The following FRMD5 variants were observed in gnomAD, a reference collection of about 807,000 sequenced individuals.
FRMD5 encodes the protein FERM domain containing 5.
FRMD5 carries 20 observed loss-of-function variants against 69.0 expected under a neutral mutation model. The observed-to-expected ratio is 0.29, with a 90% CI of 0.20 to 0.42. The LOEUF (loss-of-function observed/expected upper bound fraction) is 0.42. FRMD5 is among the 10% of genes least tolerant of loss of function. The pLI is 1.00. For missense variants in FRMD5, 595 were observed against 708.6 expected (o/e 0.84, Z 1.82); for synonymous variants, 271 against 260.1 (o/e 1.04, Z -0.40).
intron 1 of FRMD5, among the ~76,000 whole-genome samples, chr15:44,120,181 G>A (rs1311051417): frequency 6.6e-6 from 1 of 152,124 alleles, no homozygotes; most frequent in Non-Finnish European, 1.5e-5. Flanking sequence ...GAACATTAAA[G>A]TATCCCAAGA....
At chr15:44,171,149 T>C (rs1595552380) in intron 1 of FRMD5, among the ~76,000 whole-genome samples, 1 of 152,234 alleles carries the variant, frequency 6.6e-6, no homozygotes, top group Admixed American at 6.5e-5. Flanking sequence ...AACCTACTTT[T>C]CTTAAAGTAT....
intron 1 of FRMD5, among the ~76,000 whole-genome samples, chr15:43,969,586 T>C (rs1051024082): frequency 3.3e-5 from 5 of 152,222 alleles, no homozygotes; most frequent in Admixed American, 2.0e-4. Context: ...AATTTCTATA[T>C]ATAAATATTG....
chr15:43,940,683 A>G lies in FRMD5; in HGVS notation c.103-16374T>C, dbSNP rs1378566058. Among the ~76,000 whole-genome samples the G allele has an allele frequency of 2.0e-5, 3 of 152,362 alleles. No homozygotes were observed. The East Asian group carries it at 5.8e-4, about 29-fold the overall frequency. ...ATCACTGTAACAATACAGGTGAGCT[A>G]TAATAGGCAATAAGATAAGGGCAGT... On this transcript the variant is annotated intron_variant, in intron 1 of 13. Transcript: ENST00000417257.
At chr15:44,168,726 T>G (rs139862337) in intron 1 of FRMD5, among the ~76,000 whole-genome samples, 1 of 152,192 alleles carries the variant, frequency 6.6e-6, no homozygotes, top group Non-Finnish European at 1.5e-5. Context: ...TCAAATAATT[T>G]GCCAATATCC....
At chr15:44,027,787 C>G (rs375984555) in intron 1 of FRMD5, among the ~76,000 whole-genome samples, 1 of 151,808 alleles carries the variant, frequency 6.6e-6, no homozygotes, top group Non-Finnish European at 1.5e-5. Context: ...TGGGACTACA[C>G]GTGCGTGCCA....
intron 1 of FRMD5, among the ~76,000 whole-genome samples, chr15:43,962,542 T>C (rs1040379375): frequency 5.1e-4 from 78 of 152,240 alleles, no homozygotes; most frequent in African/African-American, 1.7e-3. Context: ...CTTCACAGAA[T>C]TGGAAAAAAC....
At chr15:44,019,312 A>G (rs1374407050) in intron 1 of FRMD5, among the ~76,000 whole-genome samples, 2 of 152,072 alleles carry the variant, frequency 1.3e-5, no homozygotes, top group East Asian at 3.9e-4. Flanking sequence ...ACATACAGTG[A>G]CTATCTATTA....
At position 43,882,049 on chromosome 15, in the gene FRMD5, T is replaced by G. The variant is rs147536113; in HGVS notation, c.1135+1654A>C. ...GCTGTTTCCCGCTGTGTGAGATTTCTGAGGTCCTAAAAAAACACCATCTTC... is the reference window on the plus strand; with the variant it reads ...GCTGTTTCCCGCTGTGTGAGATTTCGGAGGTCCTAAAAAAACACCATCTTC... On this transcript the variant is annotated intron_variant, in intron 13 of 13. Transcript: ENST00000417257. Among the ~76,000 whole-genome samples the G allele has an allele frequency of 5.6e-3, 846 of 152,336 alleles. 6 individuals are homozygous for G. Among genetic ancestry groups the G allele is most frequent in the Non-Finnish European group, 9.3e-3 (636 of 68,034 alleles).
At chr15:44,034,985 G>A (rs935341200) in intron 1 of FRMD5, among the ~76,000 whole-genome samples, 1 of 152,130 alleles carries the variant, frequency 6.6e-6, no homozygotes, top group Non-Finnish European at 1.5e-5. Flanking sequence ...AATGTTCCTT[G>A]CTCCCCATTT....
chr15:43,918,474 T>A (rs544248977), intron 4 of FRMD5, among the ~76,000 whole-genome samples: 20 of 152,298 alleles, frequency 1.3e-4, no homozygotes, highest in Non-Finnish European at 2.5e-4. Flanking sequence ...CTCCTCCTTT[T>A]CTGTCTTTGG....
chr15:43,961,885 G>A (rs2090207705), intron 1 of FRMD5, among the ~76,000 whole-genome samples: 1 of 152,104 alleles, frequency 6.6e-6, no homozygotes, highest in Admixed American at 6.5e-5. Context: ...CAATAAATTA[G>A]GTATTGATGG....
At chr15:43,937,308 G>C (rs1190618608) in intron 1 of FRMD5, among the ~76,000 whole-genome samples, 4 of 152,108 alleles carry the variant, frequency 2.6e-5, no homozygotes, top group Non-Finnish European at 5.9e-5. Context: ...AGATTCCTTA[G>C]AAAATAAACT....
chr15:44,155,110 G>T (rs529067180), intron 1 of FRMD5, among the ~76,000 whole-genome samples: 2 of 152,212 alleles, frequency 1.3e-5, no homozygotes, highest in East Asian at 3.9e-4. Context: ...TGTTGGTGAG[G>T]AGACAGTACA....
intron 1 of FRMD5, among the ~76,000 whole-genome samples, chr15:44,052,361 G>T (rs1452662936): frequency 1.3e-5 from 2 of 151,984 alleles, no homozygotes; most frequent in African/African-American, 4.8e-5. Flanking sequence ...TTACTGTCTG[G>T]CACTATAAGA....
intron 1 of FRMD5, among the ~76,000 whole-genome samples, chr15:43,970,386 G>C (rs942365509): frequency 6.6e-6 from 1 of 152,224 alleles, no homozygotes. Flanking sequence ...ATGTTTTTTA[G>C]TTTATGCCCT....
chr15:44,140,526 GA>G (rs1343906650), intron 1 of FRMD5, among the ~76,000 whole-genome samples: 1 of 151,908 alleles, frequency 6.6e-6, no homozygotes, highest in Non-Finnish European at 1.5e-5. Context: ...AAAGGCACAA[GA>G]ATTAAAAAAG....
rs56741359 is a variant in FRMD5, at chr15:43,951,982, G to T, written c.103-27673C>A. ...GTGCATGTGTGTGTGTGTGTGTGTT[G>T]TGTGTGTGTGTGTGTGTCTGTGTGT... On this transcript the variant is annotated intron_variant, in intron 1 of 13. Transcript: ENST00000417257. Among the ~76,000 whole-genome samples, 59 of 104,322 alleles carry T rather than the reference G, an allele frequency of 5.7e-4. No homozygotes were observed. The South Asian group carries it at 7.1e-3, about 13-fold the overall frequency. 68.4% of individuals were successfully genotyped at this position (104,322 alleles called of 152,430 possible). A position where few individuals can be genotyped will look rare whatever the true frequency, so the allele number is the denominator to read the frequency against.
chr15:44,194,924 C>CGGGCG (rs374169698), intron 1 of FRMD5, 29 bp downstream of exon 1: 27 of 1,503,632 alleles, frequency 1.8e-5, no homozygotes, highest in African/African-American at 1.0e-4. Context: ...GGGGGTCCCG[C>CGGGCG]GGGCGGGGCG....
chr15:44,170,455 G>A (rs1044498595), intron 1 of FRMD5, among the ~76,000 whole-genome samples: 4 of 150,704 alleles, frequency 2.7e-5, no homozygotes, highest in Non-Finnish European at 5.9e-5. Context: ...CCCAGGAGGC[G>A]GAGGTTGCAG....
Sources: allele counts gnomAD v4.1 joint callset (sites outside exome capture counted in the v4.1 genomes callset), GRCh38; gene constraint gnomAD v4.1.1; transcripts MANE v1.5; gene names NCBI Gene and HGNC (gene_info 2026-07-23, HGNC 2026-07-21).